Variants in BCL11A observed in about 807,000 individuals in gnomAD.
The protein encoded by BCL11A is B cell CLL/lymphoma 11A.
A neutral mutation model predicts 55.9 loss-of-function variants in BCL11A; 2 were observed. The observed-to-expected ratio is 0.04, with a 90% CI of 0.01 to 0.11. BCL11A has a LOEUF of 0.11. BCL11A is among the 10% of genes least tolerant of loss of function. The pLI is 1.00. For missense variants in BCL11A, 817 were observed against 1,137.1 expected, an observed-to-expected ratio of 0.72 and a Z score of 4.05; for synonymous variants, 465 against 473.4, an observed-to-expected ratio of 0.98 and a Z score of 0.23.
At chr2:60,526,167 T>A (rs922595658) in intron 2 of BCL11A, 1 of 152,222 alleles carries the variant, frequency 6.6e-6, no homozygotes, top group African/African-American at 2.4e-5. Flanking sequence ...CTAGATTTGA[T>A]CAAATTCAGA....
At chr2:60,522,651 C>CCA (rs1413975790) in intron 2 of BCL11A, 2 of 152,278 alleles carry the variant, frequency 1.3e-5, no homozygotes, top group Non-Finnish European at 2.9e-5. Flanking sequence ...GACAGTCCTC[C>CCA]CACATCGACT....
intron 2 of BCL11A, among the ~76,000 whole-genome samples, chr2:60,488,743 T>G (rs1278195284): frequency 6.6e-6 from 1 of 152,098 alleles, no homozygotes; most frequent in Admixed American, 6.5e-5. Context: ...CGATTTTGTT[T>G]GTTTGTTTGT....
At chr2:60,521,786 G>A (rs776856446) in intron 2 of BCL11A, among the ~76,000 whole-genome samples, 11 of 152,142 alleles carry the variant, frequency 7.2e-5, no homozygotes, top group Non-Finnish European at 1.3e-4. Context: ...ACGTGAGCAC[G>A]TCCCAGCTGC....
intron 1 of BCL11A, among the ~76,000 whole-genome samples, chr2:60,552,463 G>A (rs994442740): frequency 1.3e-5 from 2 of 152,110 alleles, no homozygotes; most frequent in East Asian, 1.9e-4. Context: ...CAAGCGCGAG[G>A]AGCCGGCACA....
chr2:60,544,160 C>T (rs1389310309), intron 2 of BCL11A: 1 of 152,188 alleles, frequency 6.6e-6, no homozygotes, highest in Non-Finnish European at 1.5e-5. Context: ...GGTTTTAATT[C>T]TTGCTTGACA....
At chr2:60,507,214 GGAA>G (rs373981580) in intron 2 of BCL11A, among the ~76,000 whole-genome samples, 2,201 of 62,290 alleles carry the variant, frequency 0.035, 516 homozygotes, top group African/African-American at 0.071. Flanking sequence ...AAGAAAGGAA[GGAA>G]GGAAGGAAGG....
At chr2:60,473,899 T>C (rs1677365238) in intron 2 of BCL11A, among the ~76,000 whole-genome samples, 1 of 152,180 alleles carries the variant, frequency 6.6e-6, no homozygotes, top group South Asian at 2.1e-4. Context: ...CCTTCATTGC[T>C]TTTTTACTGG....
downstream of BCL11A, among the ~76,000 whole-genome samples, chr2:60,456,672 T>C (rs1675950266): frequency 6.6e-6 from 1 of 152,210 alleles, no homozygotes. Flanking sequence ...CCTGATGCCT[T>C]TGTTTCCAGA....
rs1043021223 is a variant in BCL11A, at chr2:60,468,813, C to T, written c.406G>A (p.Gly136Ser). The T allele has an allele frequency of 6.2e-7, 1 of 1,606,790 alleles. No homozygotes were observed. The highest frequency in any genetic ancestry group is 1.7e-5 in the Admixed American group (1 of 57,634). Residue 136 changes from glycine to serine, a missense_variant, in exon 3 of 4, where the codon GGC becomes AGC. Coordinates refer to ENST00000642384, the MANE Select transcript of BCL11A (RefSeq NM_022893.4). ...TGTGCAGAACGAGGGGAGGAGAGGC[C>T]CCTCCAGTGCAGAAGTTTATCTGTG... ...HIADKLLHWR[G>S]LSSPRSAHGA... is the part of the protein sequence containing the mutation.
At chr2:60,532,705 T>C (rs938649330) in intron 2 of BCL11A, among the ~76,000 whole-genome samples, 6 of 152,282 alleles carry the variant, frequency 3.9e-5, no homozygotes, top group Admixed American at 6.5e-5. Flanking sequence ...GATTCACTTA[T>C]ATGCTTTCTA....
intron 1 of BCL11A, among the ~76,000 whole-genome samples, chr2:60,552,375 C>T (rs1403927313): frequency 1.3e-5 from 2 of 152,144 alleles, no homozygotes; most frequent in African/African-American, 4.8e-5. Flanking sequence ...CCTCCCTCTC[C>T]CGCGTGCCCC....
At chr2:60,538,739 C>CTGTGTG (rs777467539) in intron 2 of BCL11A, among the ~76,000 whole-genome samples, 39 of 67,524 alleles carry the variant, frequency 5.8e-4, no homozygotes, top group Non-Finnish European at 7.0e-4. Context: ...CTCTCTCTCT[C>CTGTGTG]TGTGTGTGTG....
In BCL11A at chr2:60,460,939, T is replaced by A; in HGVS notation, c.1973A>T (p.Gln658Leu). 2 of 1,613,188 alleles carry A rather than the reference T, an allele frequency of 1.2e-6. No individual in the cohort carries two copies. Among genetic ancestry groups the A allele is most frequent in the Non-Finnish European group, 1.7e-6 (2 of 1,180,008 alleles). The change falls in exon 4 of 4, where the codon CAG becomes CTG. Residue 658 changes from glutamine to leucine, a missense_variant. This residue lies in a region of BCL11A where 379 missense variants were observed against 425.3 expected (regional missense o/e 0.89). Coordinates refer to ENST00000642384, the MANE Select transcript of BCL11A (RefSeq NM_022893.4). ...GGAGGCCGCGTAGCCGGCGAGCCAC[T>A]GCGAGTACACGTTCTCCGTGTTGGG... ...AMPNTENVYS[Q>L]WLAGYAASRQ... is the part of the protein sequence containing the mutation.
chr2:60,463,331 A>G (rs1437857520), intron 3 of BCL11A, among the ~76,000 whole-genome samples: 1 of 152,252 alleles, frequency 6.6e-6, no homozygotes, highest in African/African-American at 2.4e-5. Flanking sequence ...AGGAACAGTT[A>G]AAACAGCCAG....
At chr2:60,473,292 C>T (rs974254259) in intron 2 of BCL11A, among the ~76,000 whole-genome samples, 28 of 150,376 alleles carry the variant, frequency 1.9e-4, no homozygotes, top group African/African-American at 6.9e-4. Flanking sequence ...AGCTGTCCCA[C>T]GTGGAATGGG....
Position 60,552,626 on chromosome 2 carries a change from A to G in BCL11A, c.55+590T>C, listed in dbSNP as rs192545866. On this transcript the variant is annotated intron_variant, in intron 1 of 3. Transcript: ENST00000642384. Reference sequence around the variant, plus strand: ...AGGAGCGCCGGGGGCCCCTTTCCACAGTGCCACTTTCTCACTATTGTGGGG... The same window carrying G: ...AGGAGCGCCGGGGGCCCCTTTCCACGGTGCCACTTTCTCACTATTGTGGGG... Among the ~76,000 whole-genome samples the G allele has an allele frequency of 5.2e-3, 797 of 152,166 alleles. 4 individuals are homozygous for G. The highest frequency in any genetic ancestry group is 8.2e-3 in the Non-Finnish European group (554 of 67,964).
chr2:60,464,328 G>A (rs1676481559), intron 3 of BCL11A, among the ~76,000 whole-genome samples: 1 of 152,094 alleles, frequency 6.6e-6, no homozygotes, highest in East Asian at 1.9e-4. Context: ...CTCTTCAAAG[G>A]GAAATAAAAA....
chr2:60,498,897 G>A (rs1352989660), intron 2 of BCL11A, among the ~76,000 whole-genome samples: 2 of 148,132 alleles, frequency 1.4e-5, no homozygotes, highest in Non-Finnish European at 3.0e-5. Flanking sequence ...TCAGATGACT[G>A]TCCAACTCAT....
rs1332579617 is a variant in BCL11A at position 60,501,785 on chromosome 2, C to T, written c.386-32952G>A. On this transcript the variant is annotated intron_variant, in intron 2 of 3. Coordinates refer to ENST00000642384, the MANE Select transcript of BCL11A (RefSeq NM_022893.4). ...CCTCCCAAAGTGCTGGAATTACAGA[C>T]GTGAGCCACTGCGCCCAGCCTTACA... Among the ~76,000 whole-genome samples the T allele has an allele frequency of 3.3e-5, 5 of 152,048 alleles. No homozygotes were observed. The South Asian group carries it at 8.3e-4, about 25-fold the overall frequency.
Sources: gnomAD v4.1 joint callset for allele counts (sites outside exome capture counted in the v4.1 genomes callset) on GRCh38, gnomAD v4.1.1 for gene constraint, gnomAD v4.1.1 regional missense constraint, MANE v1.5 for transcripts, NCBI Gene and HGNC (gene_info 2026-07-23, HGNC 2026-07-21) for gene names.